The following GLT1D1 variants were observed in gnomAD, a reference collection of about 807,000 sequenced individuals.
GLT1D1 encodes glycosyltransferase 1 domain containing 1, also known as glycosyltransferase 1 domain-containing protein 1.
A neutral mutation model predicts 28.7 loss-of-function variants in GLT1D1; 21 were observed. The observed-to-expected ratio is 0.73, with a 90% CI of 0.52 to 1.05. The LOEUF (loss-of-function observed/expected upper bound fraction) is 1.05, where lower values mean the gene tolerates loss of function less well. Ranked by LOEUF, GLT1D1 falls within the 50% of genes least tolerant of loss-of-function variation. The pLI, the probability that GLT1D1 is intolerant of heterozygous loss-of-function variation, is 0.00. For missense variants in GLT1D1, 343 were observed against 330.6 expected (o/e 1.04, Z -0.29); for synonymous variants, 147 against 124.8 (o/e 1.18, Z -1.19).
intron 4 of GLT1D1, 42 bp downstream of exon 5, chr12:128,912,502 G>A (rs1436526908): frequency 3.7e-6 from 4 of 1,078,204 alleles, no homozygotes; most frequent in Non-Finnish European, 5.3e-6. Flanking sequence ...TACAGGGATA[G>A]AGAATGAATA....
At chr12:128,872,637 A>C (rs543947578) in intron 1 of GLT1D1, among the ~76,000 whole-genome samples, 8 of 152,168 alleles carry the variant, frequency 5.3e-5, no homozygotes, top group African/African-American at 1.9e-4. Flanking sequence ...GCAGGATAGA[A>C]ATGGTCCCCA....
At chr12:128,917,532 C>A (rs779586023) in intron 4 of GLT1D1, among the ~76,000 whole-genome samples, 3 of 152,158 alleles carry the variant, frequency 2.0e-5, no homozygotes, top group Non-Finnish European at 4.4e-5. Context: ...TCTGCCTCAG[C>A]TTCCCAAAGT....
chr12:128,874,122 C>CCCTT (rs1956804514), intron 1 of GLT1D1, among the ~76,000 whole-genome samples: 17 of 58,922 alleles, frequency 2.9e-4, no homozygotes, highest in African/African-American at 1.1e-3. Context: ...CTCTCTCTCT[C>CCCTT]TCTCTTTCTT....
intron 4 of GLT1D1, among the ~76,000 whole-genome samples, chr12:128,924,644 A>T (rs978160056): frequency 6.6e-6 from 1 of 151,920 alleles, no homozygotes; most frequent in South Asian, 2.1e-4. Flanking sequence ...TTTGGTAGAG[A>T]TGGGGTTTCA....
intron 4 of GLT1D1, among the ~76,000 whole-genome samples, chr12:128,925,961 C>T (rs947122982): frequency 5.9e-5 from 9 of 151,990 alleles, no homozygotes; most frequent in Admixed American, 2.6e-4. Flanking sequence ...GAGCCCAAGG[C>T]GGGCAGATCA....
intron 3 of GLT1D1, among the ~76,000 whole-genome samples, chr12:128,889,539 A>G (rs1213817227): frequency 6.6e-6 from 1 of 152,190 alleles, no homozygotes; most frequent in African/African-American, 2.4e-5. Flanking sequence ...ATGTCTCCCT[A>G]TAATTCTAAT....
chr12:128,881,238 A>AC (rs1566098518), intron 2 of GLT1D1, among the ~76,000 whole-genome samples: 2 of 148,466 alleles, frequency 1.3e-5, no homozygotes, highest in African/African-American at 2.5e-5. Context: ...AAAAAAAAAA[A>AC]AAAAAACTAT....
chr12:128,934,243 G>T (rs183183079), intron 4 of GLT1D1, among the ~76,000 whole-genome samples: 1 of 123,242 alleles, frequency 8.1e-6, no homozygotes, highest in African/African-American at 3.1e-5. Context: ...TTGCTCTGTT[G>T]CCCAGGCTGG....
chr12:128,978,683 G>A (rs529385076), intron 7 of GLT1D1, among the ~76,000 whole-genome samples: 2 of 152,168 alleles, frequency 1.3e-5, no homozygotes, highest in Non-Finnish European at 2.9e-5. Context: ...GGGTGAGTCC[G>A]TAAAGTGAAA....
intron 4 of GLT1D1, among the ~76,000 whole-genome samples, chr12:128,934,494 A>C (rs1461094337): frequency 6.6e-6 from 1 of 152,098 alleles, no homozygotes; most frequent in African/African-American, 2.4e-5. Context: ...GCGCCCGGCC[A>C]GCTCAGTCTA....
intron 4 of GLT1D1, among the ~76,000 whole-genome samples, chr12:128,913,372 C>T (rs185072275): frequency 1.3e-5 from 2 of 152,110 alleles, no homozygotes; most frequent in African/African-American, 4.8e-5. Context: ...GGTGCCCCCC[C>T]ACCACGCCCA....
intron 6 of GLT1D1, among the ~76,000 whole-genome samples, chr12:128,954,593 T>C (rs890397226): frequency 6.6e-6 from 1 of 152,180 alleles, no homozygotes; most frequent in Non-Finnish European, 1.5e-5. Flanking sequence ...GCCCATCTGC[T>C]ACTGTAATCT....
At chr12:128,911,539 G>A (rs950314821) in intron 4 of GLT1D1, among the ~76,000 whole-genome samples, 9 of 152,116 alleles carry the variant, frequency 5.9e-5, no homozygotes, top group African/African-American at 2.2e-4. Flanking sequence ...ATCAGGCTTA[G>A]GTCACATGAC....
chr12:128,930,118 C>T (rs1297711662), intron 4 of GLT1D1: 1 of 152,226 alleles, frequency 6.6e-6, no homozygotes, highest in Non-Finnish European at 1.5e-5. Flanking sequence ...ACCTTAAGTG[C>T]TAGCATTGTA....
intron 4 of GLT1D1, among the ~76,000 whole-genome samples, chr12:128,915,946 T>C (rs969141851): frequency 3.3e-5 from 5 of 152,196 alleles, no homozygotes; most frequent in Non-Finnish European, 5.9e-5. Flanking sequence ...TATATACCCA[T>C]GTGACAAATA....
At chr12:128,967,535 C>T (rs1357772969) in intron 7 of GLT1D1, among the ~76,000 whole-genome samples, 1 of 152,234 alleles carries the variant, frequency 6.6e-6, no homozygotes, top group East Asian at 1.9e-4. Context: ...TGGAAAAAAA[C>T]CTGCCAATAC....
chr12:128,874,006 TC>T (rs1203707325), intron 1 of GLT1D1, among the ~76,000 whole-genome samples: 1 of 136,284 alleles, frequency 7.3e-6, no homozygotes, highest in Non-Finnish European at 1.6e-5. Flanking sequence ...CTTCTTCCCT[TC>T]CCTTCCCCTT....
intron 7 of GLT1D1, among the ~76,000 whole-genome samples, chr12:128,963,042 C>T (rs1363827800): frequency 1.3e-5 from 2 of 152,160 alleles, no homozygotes; most frequent in East Asian, 1.9e-4. Flanking sequence ...CTTACACATT[C>T]GTGGGGAGAT....
intron 1 of GLT1D1, among the ~76,000 whole-genome samples, chr12:128,869,635 CGT>C (rs1421228889): frequency 6.6e-6 from 1 of 152,064 alleles, no homozygotes; most frequent in Non-Finnish European, 1.5e-5. Flanking sequence ...AACCGAGCTG[CGT>C]GTGTCTTTCA....
Sources: allele counts gnomAD v4.1 joint callset (sites outside exome capture counted in the v4.1 genomes callset), GRCh38; gene constraint gnomAD v4.1.1; transcripts MANE v1.5; gene names NCBI Gene and HGNC (gene_info 2026-07-23, HGNC 2026-07-21).